Variants in ETS1 observed in about 807,000 individuals in gnomAD.
The protein encoded by ETS1 is ETS proto-oncogene 1, transcription factor.
ETS1 carries 15 observed loss-of-function variants against 58.6 expected under a neutral mutation model. The ratio of observed to expected loss-of-function variants is 0.26; its 90% CI spans 0.17 to 0.39. ETS1 has a LOEUF of 0.39. Among genes scored for constraint, ETS1 ranks in the 10% least tolerant of loss-of-function variants. The pLI, the probability that ETS1 is intolerant of heterozygous loss-of-function variation, is 1.00. For missense variants in ETS1, 417 were observed against 610.5 expected, an observed-to-expected ratio of 0.68 and a Z score of 3.34; for synonymous variants, 214 against 218.2, an observed-to-expected ratio of 0.98 and a Z score of 0.17.
At chr11:128,544,910 G>T (rs1270411855) in intron 3 of ETS1, among the ~76,000 whole-genome samples, 1 of 152,054 alleles carries the variant, frequency 6.6e-6, no homozygotes, top group African/African-American at 2.4e-5. Flanking sequence ...GTAAACTTCA[G>T]CACGTGCTGT....
At chr11:128,489,195 T>C (rs1027232799) in intron 5 of ETS1, 95 bp downstream of exon 5, 2 of 1,020,220 alleles carry the variant, frequency 2.0e-6, no homozygotes, top group African/African-American at 1.6e-5. Flanking sequence ...CACCCACAGA[T>C]AAAGGCATTG....
At chr11:128,517,447 C>G (rs1380628667) in intron 3 of ETS1, among the ~76,000 whole-genome samples, 1 of 152,234 alleles carries the variant, frequency 6.6e-6, no homozygotes, top group African/African-American at 2.4e-5. Flanking sequence ...AATAATACTT[C>G]CACCACACCT....
At chr11:128,574,323 T>C (rs1454656360) in intron 1 of ETS1, among the ~76,000 whole-genome samples, 1 of 152,244 alleles carries the variant, frequency 6.6e-6, no homozygotes, top group Non-Finnish European at 1.5e-5. Context: ...TTCTTATGTC[T>C]TTTCTTCCAG....
At chr11:128,571,455 ACAGAGCGAGACTCCGTCCAGCCTGGG>A (rs1465486995) in intron 2 of ETS1, among the ~76,000 whole-genome samples, 3 of 127,856 alleles carry the variant, frequency 2.3e-5, no homozygotes, top group African/African-American at 8.8e-5. Flanking sequence ...AGCCTGGGCG[ACAGAGCGAGACTCCGTCCAGCCTGGG>A]CGACAGAGCA....
chr11:128,489,528 G>A, intron 4 of ETS1, 38 bp from the exon 5 acceptor site: 10 of 1,549,526 alleles, frequency 6.5e-6, no homozygotes, highest in Non-Finnish European at 8.9e-6. Flanking sequence ...AGCAGGTCGG[G>A]CTTTTAACTC....
At chr11:128,513,583 T>C (rs1468789093) in intron 3 of ETS1, among the ~76,000 whole-genome samples, 2 of 151,520 alleles carry the variant, frequency 1.3e-5, no homozygotes, top group African/African-American at 4.8e-5. Flanking sequence ...TCTGTGCATT[T>C]ATTTCGTGTC....
intron 7 of ETS1, among the ~76,000 whole-genome samples, chr11:128,480,684 G>C (rs1375604900): frequency 2.0e-5 from 3 of 152,156 alleles, no homozygotes; most frequent in African/African-American, 7.2e-5. Flanking sequence ...TGCCTGGTTT[G>C]AGAACTCCAA....
chr11:128,474,617 A>C (rs763094749), intron 8 of ETS1, among the ~76,000 whole-genome samples: 1 of 152,102 alleles, frequency 6.6e-6, no homozygotes, highest in Non-Finnish European at 1.5e-5. Context: ...CACATAACTG[A>C]GCAGCATGTG....
intron 3 of ETS1, chr11:128,536,471 C>T (rs557641286): frequency 1.1e-4 from 17 of 152,216 alleles, no homozygotes; most frequent in Admixed American, 1.0e-3. Flanking sequence ...CATAAATGAA[C>T]ATTATCATGA....
At chr11:128,487,343 T>A (rs1370634119) in intron 5 of ETS1, among the ~76,000 whole-genome samples, 1 of 152,218 alleles carries the variant, frequency 6.6e-6, no homozygotes, top group Non-Finnish European at 1.5e-5. Context: ...ATTATTCCTT[T>A]ACCCTAAGTG....
At chr11:128,556,152 C>G in intron 3 of ETS1, 139 bp downstream of exon 3, 1 of 700,108 alleles carries the variant, frequency 1.4e-6, no homozygotes, top group Non-Finnish European at 2.3e-6. Flanking sequence ...GGAGAAGGCC[C>G]GGGACTTTCC....
intron 3 of ETS1, 113 bp downstream of exon 3, chr11:128,556,178 C>T: frequency 2.2e-6 from 2 of 906,562 alleles, no homozygotes; most frequent in East Asian, 2.7e-5. Flanking sequence ...AGAACAATAG[C>T]ATCTGTACCC....
At chr11:128,532,308 C>A (rs546320712) in intron 3 of ETS1, among the ~76,000 whole-genome samples, 1 of 152,312 alleles carries the variant, frequency 6.6e-6, no homozygotes, top group South Asian at 2.1e-4. Flanking sequence ...CTTGGGCCAC[C>A]AGTCAAACCA....
intron 3 of ETS1, among the ~76,000 whole-genome samples, chr11:128,507,680 C>T (rs1166976271): frequency 6.6e-6 from 1 of 152,162 alleles, no homozygotes; most frequent in Non-Finnish European, 1.5e-5. Flanking sequence ...ACAGGAGGGA[C>T]ATCTGTGGCA....
chr11:128,552,478 C>A (rs1325952328), intron 3 of ETS1, among the ~76,000 whole-genome samples: 1 of 152,222 alleles, frequency 6.6e-6, no homozygotes, highest in Non-Finnish European at 1.5e-5. Context: ...TTCTCTAGCT[C>A]CAGGCTGCTT....
At chr11:128,477,108 T>C (rs926228559) in intron 8 of ETS1, among the ~76,000 whole-genome samples, 1 of 152,242 alleles carries the variant, frequency 6.6e-6, no homozygotes, top group Non-Finnish European at 1.5e-5. Flanking sequence ...TTGGACGTGA[T>C]AGGGACAAAG....
intron 3 of ETS1, among the ~76,000 whole-genome samples, chr11:128,500,817 A>G (rs1863069301): frequency 6.6e-6 from 1 of 152,180 alleles, no homozygotes; most frequent in Admixed American, 6.5e-5. Context: ...TCCACAGAGG[A>G]GTACTTGATG....
chr11:128,465,395 G>A (rs762891459), intron 8 of ETS1, among the ~76,000 whole-genome samples: 25 of 152,158 alleles, frequency 1.6e-4, no homozygotes, highest in African/African-American at 2.4e-4. Context: ...AATAAAAACC[G>A]TTTCGTATTC....
At position 128,528,651 on chromosome 11, in the gene ETS1, G is replaced by A. The variant is rs370108718; in HGVS notation, c.214+27640C>T. On this transcript the variant is annotated intron_variant, in intron 3 of 9. Coordinates refer to ENST00000392668, the MANE Select transcript of ETS1 (RefSeq NM_001143820.2). ...ATGTTCATTATTTAATTAATGAACA[G>A]TTAACTTCCTAACATCCCCGTAACA... 5.3e-5 allele frequency among the ~76,000 whole-genome samples: 8 copies of A among 152,280 alleles called. No homozygotes were observed. In the East Asian group the frequency reaches 1.3e-3, roughly 26 times the overall value.
Sources: allele counts gnomAD v4.1 joint callset (sites outside exome capture counted in the v4.1 genomes callset), GRCh38; gene constraint gnomAD v4.1.1; transcripts MANE v1.5; gene names NCBI Gene and HGNC (gene_info 2026-07-23, HGNC 2026-07-21).